The following ASTN1 variants were observed in gnomAD, a reference collection of about 807,000 sequenced individuals.
ASTN1 encodes the protein astrotactin 1.
ASTN1 carries 41 observed loss-of-function variants against 140.7 expected under a neutral mutation model. The observed-to-expected ratio is 0.29, with a 90% confidence interval of 0.23 to 0.38. The LOEUF is 0.38. Ranked by LOEUF, ASTN1 falls within the 10% of genes least tolerant of loss-of-function variation. The pLI, the probability that ASTN1 is intolerant of heterozygous loss-of-function variation, is 1.00. For synonymous variants in ASTN1, 640 were observed against 652.2 expected (o/e 0.98, Z 0.29); for missense variants, 1,479 against 1,678.8 (o/e 0.88, Z 2.08).
intron 1 of ASTN1, among the ~76,000 whole-genome samples, chr1:177,149,295 A>C (rs1233567824): frequency 4.6e-4 from 39 of 85,582 alleles, no homozygotes; most frequent in African/African-American, 2.1e-3. Context: ...TATATATAGT[A>C]TATATATAGT....
In ASTN1 at chr1:177,140,005, A is replaced by G. The variant is rs74791605; in HGVS notation, c.283+24389T>C. 5.8e-3 allele frequency among the ~76,000 whole-genome samples: 880 copies of G among 152,344 alleles called. 8 individuals carry two copies. The highest frequency in any genetic ancestry group is 0.02 in the African/African-American group (844 of 41,582). On this transcript the variant is annotated intron_variant, in intron 1 of 22. Coordinates refer to ENST00000361833, the MANE Select transcript of ASTN1 (RefSeq NM_004319.3). ...TAGGCCAAAGCTCACTAATCACCAA[A>G]TGAGAGACAGCATCCCCCAAACACC...
At chr1:177,036,961 A>G (rs549796829) in intron 2 of ASTN1, among the ~76,000 whole-genome samples, 1 of 152,192 alleles carries the variant, frequency 6.6e-6, no homozygotes, top group South Asian at 2.1e-4. Context: ...CTGGGATTAC[A>G]GGCATGCACC....
chr1:177,024,760 T>C, intron 5 of ASTN1, 28 bp from the exon 6 acceptor site: 1 of 1,602,670 alleles, frequency 6.2e-7, no homozygotes, highest in Non-Finnish European at 8.5e-7. Context: ...GCAAGATACA[T>C]GGTGGTAAAA....
Position 177,115,006 on chromosome 1 carries a change from G to A in ASTN1, c.283+49388C>T, listed in dbSNP as rs112128537. Among the ~76,000 whole-genome samples, 455 of 151,938 alleles carry A rather than the reference G, an allele frequency of 3.0e-3. 3 individuals are homozygous for A. The highest frequency in any genetic ancestry group is 0.01 in the African/African-American group (420 of 41,426). On this transcript the variant is annotated intron_variant, in intron 1 of 22. Transcript: ENST00000361833. The stretch of plus-strand genomic sequence containing the variant: ...GCAGAGAGCAGAAGCAGGAGGAAGA[G>A]GAGGAGAAATGAGAGGTAGAAGGAA...
chr1:177,006,056 T>A (rs1167384379), intron 8 of ASTN1, among the ~76,000 whole-genome samples: 1 of 152,200 alleles, frequency 6.6e-6, no homozygotes, highest in African/African-American at 2.4e-5. Flanking sequence ...CTTACAGAGA[T>A]GTTTATATTA....
At chr1:177,023,347 G>A (rs749917635) in intron 7 of ASTN1, 57 bp downstream of exon 7, 3 of 1,518,922 alleles carry the variant, frequency 2.0e-6, no homozygotes, top group Non-Finnish European at 2.7e-6. Flanking sequence ...TCAAGGGAGT[G>A]ATTGCAAGAG....
In ASTN1 at chr1:176,934,267, G is replaced by A. The variant is rs755673763; in HGVS notation, c.2556C>T (p.Phe852=). ...TAGCTTCCTGGATGTAATGGTTGCCGAACTGGTCCAACAGCGCCACAAAAT... is the reference window on the plus strand; with the variant it reads ...TAGCTTCCTGGATGTAATGGTTGCCAAACTGGTCCAACAGCGCCACAAAAT... The part of the protein sequence containing the change: ...RADFVALLDQ[F]GNHYIQEAIY... Residue 852 remains phenylalanine (F), a synonymous_variant, in exon 16 of 23, where the codon TTC becomes TTT. Transcript: ENST00000361833. The A allele has an allele frequency of 1.7e-5, 27 of 1,613,826 alleles. No individual in the cohort carries two copies. The highest frequency in any genetic ancestry group is 2.2e-5 in the East Asian group (1 of 44,892).
chr1:177,132,532 G>A (rs1681989847), intron 1 of ASTN1, among the ~76,000 whole-genome samples: 1 of 152,190 alleles, frequency 6.6e-6, no homozygotes, highest in African/African-American at 2.4e-5. Flanking sequence ...ACCAGCAGCA[G>A]GGTCTCCTTT....
intron 21 of ASTN1, among the ~76,000 whole-genome samples, chr1:176,874,395 C>A (rs986459707): frequency 6.6e-6 from 1 of 152,136 alleles, no homozygotes; most frequent in African/African-American, 2.4e-5. Context: ...AAAATGTGAG[C>A]CTTTTCTTCT....
chr1:177,155,906 G>A (rs1683214675), intron 1 of ASTN1, among the ~76,000 whole-genome samples: 1 of 152,130 alleles, frequency 6.6e-6, no homozygotes. Context: ...GAGCCTAGAA[G>A]CAACAACACT....
chr1:177,061,383 A>G, intron 1 of ASTN1, 118 bp from the exon 2 acceptor site: 2 of 982,804 alleles, frequency 2.0e-6, no homozygotes, highest in East Asian at 2.8e-5. Flanking sequence ...GAAGTTTCCA[A>G]CAATGTATAG....
At chr1:177,042,518 T>C (rs1677027052) in intron 2 of ASTN1, among the ~76,000 whole-genome samples, 1 of 152,230 alleles carries the variant, frequency 6.6e-6, no homozygotes, top group Non-Finnish European at 1.5e-5. Flanking sequence ...ATTCTGTTAG[T>C]CTATTCACAC....
chr1:177,100,463 C>T (rs982247824), intron 1 of ASTN1, among the ~76,000 whole-genome samples: 1 of 152,046 alleles, frequency 6.6e-6, no homozygotes, highest in Non-Finnish European at 1.5e-5. Context: ...AGAATTCTTC[C>T]ACTGATACCC....
intron 18 of ASTN1, among the ~76,000 whole-genome samples, chr1:176,884,980 G>A (rs541625939): frequency 5.4e-4 from 82 of 152,158 alleles, no homozygotes; most frequent in Non-Finnish European, 9.1e-4. Context: ...CCGTGCTGGT[G>A]GGGGAAACCC....
chr1:177,149,613 AAT>A (rs1228055065), intron 1 of ASTN1, among the ~76,000 whole-genome samples: 1 of 88,162 alleles, frequency 1.1e-5, no homozygotes, highest in African/African-American at 6.5e-5. Context: ...ATATATAGTA[AAT>A]ATATATACAC....
chr1:176,923,778 G>A (rs189066194), intron 16 of ASTN1, among the ~76,000 whole-genome samples: 2 of 152,222 alleles, frequency 1.3e-5, no homozygotes, highest in Admixed American at 6.5e-5. Flanking sequence ...GCAAATAAAG[G>A]GGACTACTGT....
intron 1 of ASTN1, among the ~76,000 whole-genome samples, chr1:177,085,449 A>G (rs954040974): frequency 2.6e-5 from 4 of 152,128 alleles, no homozygotes; most frequent in South Asian, 2.1e-4. Flanking sequence ...GTAAGGATTC[A>G]TGTTTTTATC....
intron 1 of ASTN1, among the ~76,000 whole-genome samples, chr1:177,126,213 C>T (rs796314400): frequency 3.9e-5 from 6 of 152,210 alleles, no homozygotes; most frequent in South Asian, 2.1e-4. Flanking sequence ...CATCTGATTG[C>T]CTTGGGCTTC....
At chr1:177,088,109 C>T (rs1338357856) in intron 1 of ASTN1, among the ~76,000 whole-genome samples, 2 of 152,182 alleles carry the variant, frequency 1.3e-5, no homozygotes, top group Non-Finnish European at 2.9e-5. Context: ...TCATGTGCCT[C>T]AGAGTTTCCA....
Sources: allele counts gnomAD v4.1 joint callset (sites outside exome capture counted in the v4.1 genomes callset), GRCh38; gene constraint gnomAD v4.1.1; transcripts MANE v1.5; gene names NCBI Gene and HGNC (gene_info 2026-07-23, HGNC 2026-07-21).